MRTFB: variants seen among roughly 807,000 people sequenced by gnomAD.
MRTFB encodes myocardin-related transcription factor B.
A neutral mutation model predicts 104.2 loss-of-function variants in MRTFB; 29 were observed. The ratio of observed to expected loss-of-function variants is 0.28; its 90% CI spans 0.21 to 0.38. The LOEUF (loss-of-function observed/expected upper bound fraction) is 0.38, where lower values mean the gene tolerates loss of function less well. MRTFB is among the 10% of genes least tolerant of loss of function. The pLI, the probability that MRTFB is intolerant of heterozygous loss-of-function variation, is 1.00. For missense variants in MRTFB, 1,270 were observed against 1,341.6 expected (o/e 0.95, Z 0.83); for synonymous variants, 535 against 519.5 (o/e 1.03, Z -0.41).
rs987020269 is a variant in MRTFB at position 14,082,473 on chromosome 16, A to G, written c.-64+3119A>G. ...GTACAATTTGAAACCAGGTAGTGTG[A>G]TATCTCCAACTTTTTTATTTTATTC... is the stretch of plus-strand genomic sequence containing the variant. On this transcript the variant is annotated intron_variant, in intron 2 of 16. Coordinates refer to ENST00000571589, the MANE Select transcript of MRTFB (RefSeq NM_001308142.2). Among the ~76,000 whole-genome samples, 9 of 152,290 alleles carry G rather than the reference A, an allele frequency of 5.9e-5. No homozygotes were observed. The East Asian group carries it at 1.4e-3, about 23-fold the overall frequency.
chr16:14,080,847 T>C (rs934601749), intron 2 of MRTFB, among the ~76,000 whole-genome samples: 1 of 152,244 alleles, frequency 6.6e-6, no homozygotes, highest in African/African-American at 2.4e-5. Flanking sequence ...TTTCCGTTTT[T>C]ATAGTTGAAT....
Position 14,258,136 on chromosome 16 carries a change from C to G in MRTFB, c.2739C>G (p.Leu913=), listed in dbSNP as rs1484691143. The G allele has an allele frequency of 8.1e-6, 13 of 1,613,880 alleles. No homozygotes were observed. Among genetic ancestry groups the G allele is most frequent in the Admixed American group, 1.7e-5 (1 of 60,002 alleles). The change falls in exon 16 of 17, where the codon CTC becomes CTG. Residue 913 remains leucine (L), a synonymous_variant. Coordinates refer to ENST00000571589, the MANE Select transcript of MRTFB (RefSeq NM_001308142.2). ...CTCACAGTCAGCAGATGGATGACCT[C>G]TTTGATATCCTCATTAAGAGTGGAG... ...SNAHSQQMDD[L]FDILIKSGEI...
chr16:14,256,121 A>AG (rs560185334), intron 15 of MRTFB, among the ~76,000 whole-genome samples: 552 of 148,580 alleles, frequency 3.7e-3, no homozygotes, highest in Middle Eastern at 6.8e-3. Context: ...AAAAAAAAAA[A>AG]AAAGAAAGAA....
At chr16:14,198,659 T>C (rs1270767148) in intron 3 of MRTFB, among the ~76,000 whole-genome samples, 2 of 152,240 alleles carry the variant, frequency 1.3e-5, no homozygotes, top group African/African-American at 4.8e-5. Flanking sequence ...AAAATTAACT[T>C]TCCCTTTACC....
rs941156537 is a variant in MRTFB, at chr16:14,210,146, A to G, written c.155-97A>G. ...CTTCTTTTTAATTGTGAAATAGAAGATGCTTGATAAAGCTTAATTGCATCT... is the reference window on the plus strand; with the variant it reads ...CTTCTTTTTAATTGTGAAATAGAAGGTGCTTGATAAAGCTTAATTGCATCT... On this transcript the variant is annotated intron_variant, in intron 3 of 16. Transcript: ENST00000571589. 6 of 816,326 alleles carry G rather than the reference A, an allele frequency of 7.3e-6. No homozygotes were observed. In the African/African-American group the frequency reaches 1.0e-4, roughly 14 times the overall value. The allele number at this position is 816,326 out of a possible 1,614,324, so 50.6% of individuals were successfully genotyped here.
the MRTFB span, among the ~76,000 whole-genome samples, chr16:14,018,654 A>G: frequency 6.6e-6 from 1 of 152,184 alleles, no homozygotes; most frequent in Non-Finnish European, 1.5e-5. Context: ...CTGGAGCTGG[A>G]AAATTCTCCG....
At chr16:14,196,452 C>G (rs1349073840) in intron 3 of MRTFB, among the ~76,000 whole-genome samples, 2 of 152,194 alleles carry the variant, frequency 1.3e-5, no homozygotes, top group African/African-American at 4.8e-5. Context: ...ATTCCGAGGT[C>G]TATACCACCT....
At chr16:14,048,330 G>A in the MRTFB span, among the ~76,000 whole-genome samples, 1 of 152,182 alleles carries the variant, frequency 6.6e-6, no homozygotes, top group African/African-American at 2.4e-5. Context: ...GGGATAGAGG[G>A]CTCCTGGATA....
intron 3 of MRTFB, among the ~76,000 whole-genome samples, chr16:14,203,168 C>T (rs1446343264): frequency 6.6e-6 from 1 of 151,246 alleles, no homozygotes; most frequent in Non-Finnish European, 1.5e-5. Context: ...TCCTCATGAT[C>T]CTAAAGTTTA....
chr16:14,124,365 A>G (rs879940644), intron 2 of MRTFB, among the ~76,000 whole-genome samples: 2 of 152,180 alleles, frequency 1.3e-5, no homozygotes. Flanking sequence ...GAATGCTTCC[A>G]GTTTTTGCCC....
chr16:14,243,088 A>G (rs192745273), intron 10 of MRTFB, among the ~76,000 whole-genome samples: 2 of 152,320 alleles, frequency 1.3e-5, no homozygotes, highest in East Asian at 3.9e-4. Context: ...GGGGACAATA[A>G]TGAATGAAAA....
chr16:14,043,595 T>C, the MRTFB span, among the ~76,000 whole-genome samples: 5 of 152,116 alleles, frequency 3.3e-5, no homozygotes, highest in East Asian at 1.9e-4. Flanking sequence ...GGCCAGGCAG[T>C]CTGGCAAAGA....
chr16:13,997,275 C>G, the MRTFB span, among the ~76,000 whole-genome samples: 1 of 152,184 alleles, frequency 6.6e-6, no homozygotes, highest in African/African-American at 2.4e-5. Flanking sequence ...CATGTAGTAT[C>G]TTTCTGTACT....
At chr16:14,164,327 CTT>C (rs887476539) in intron 3 of MRTFB, among the ~76,000 whole-genome samples, 5 of 152,194 alleles carry the variant, frequency 3.3e-5, no homozygotes, top group African/African-American at 9.7e-5. Flanking sequence ...CAGTATTTGT[CTT>C]TCATGCCTGA....
intron 2 of MRTFB, among the ~76,000 whole-genome samples, chr16:14,128,027 A>G (rs1180909166): frequency 6.4e-5 from 9 of 140,074 alleles, no homozygotes; most frequent in Non-Finnish European, 1.4e-4. Flanking sequence ...CAGTAAGTTT[A>G]TTACTGTGAC....
intron 2 of MRTFB, among the ~76,000 whole-genome samples, chr16:14,084,038 T>C (rs2034562740): frequency 6.6e-6 from 1 of 152,228 alleles, no homozygotes; most frequent in Non-Finnish European, 1.5e-5. Context: ...GTGGTTCTCA[T>C]GCATAGATGA....
the MRTFB span, among the ~76,000 whole-genome samples, chr16:14,051,024 C>A: frequency 2.0e-5 from 3 of 152,292 alleles, no homozygotes; most frequent in Non-Finnish European, 4.4e-5. Flanking sequence ...TCTTTACCAT[C>A]ACAGGAATTC....
intron 3 of MRTFB, among the ~76,000 whole-genome samples, chr16:14,208,248 A>G (rs2041036614): frequency 1.3e-5 from 2 of 152,314 alleles, no homozygotes; most frequent in East Asian, 1.9e-4. Flanking sequence ...CCAATGTACA[A>G]TCAAGAGATG....
chr16:14,199,076 T>G (rs2040564829), intron 3 of MRTFB, among the ~76,000 whole-genome samples: 1 of 152,218 alleles, frequency 6.6e-6, no homozygotes, highest in South Asian at 2.1e-4. Context: ...CTTACACTCT[T>G]GCCTCTCGTT....
Sources: gnomAD v4.1 joint callset for allele counts (sites outside exome capture counted in the v4.1 genomes callset) on GRCh38, gnomAD v4.1.1 for gene constraint, MANE v1.5 for transcripts, NCBI Gene and HGNC (gene_info 2026-07-23, HGNC 2026-07-21) for gene names.